The following STK3 variants were observed in gnomAD, a reference collection of about 807,000 sequenced individuals.
STK3 encodes serine/threonine-protein kinase 3.
Under a neutral mutation model 58.0 loss-of-function variants are expected in STK3, and 41 were observed. The observed-to-expected ratio is 0.71, with a 90% CI of 0.55 to 0.92. The LOEUF (loss-of-function observed/expected upper bound fraction) is 0.92. Among genes scored for constraint, STK3 ranks in the 40% least tolerant of loss-of-function variants. The pLI, the probability that STK3 is intolerant of heterozygous loss-of-function variation, is 0.00. For synonymous variants in STK3, 170 were observed against 191.0 expected (o/e 0.89, Z 0.91); for missense variants, 479 against 602.7 (o/e 0.79, Z 2.15).
At chr8:98,597,486 C>T (rs772565981) in intron 6 of STK3, 3 of 985,264 alleles carry the variant, frequency 3.0e-6, no homozygotes, top group Non-Finnish European at 3.6e-6. Flanking sequence ...AAACATCTTT[C>T]AATCAAACAA....
chr8:98,362,194 C>T, the STK3 span, among the ~76,000 whole-genome samples: 1 of 151,784 alleles, frequency 6.6e-6, no homozygotes, highest in Non-Finnish European at 1.5e-5. Context: ...TCAAGAGATC[C>T]CTTTGAGAGA....
At chr8:98,796,710 G>A (rs1462858167) in intron 1 of STK3, among the ~76,000 whole-genome samples, 1 of 152,118 alleles carries the variant, frequency 6.6e-6, no homozygotes, top group Non-Finnish European at 1.5e-5. Flanking sequence ...AAACTATGCA[G>A]CCGTCAAAGG....
Position 98,825,659 on chromosome 8 carries a change from C to A in STK3, c.-119G>T, listed in dbSNP as rs1445835240. ...CAGAGGGAAACTCTGGGAACTCGGA[C>A]CAACTTTCCCGTAACTCCGCGGCGG... On this transcript the variant is annotated 5_prime_UTR_variant, in exon 1 of 11. Coordinates refer to ENST00000419617, the MANE Select transcript of STK3 (RefSeq NM_006281.4). 1 of 1,186,648 alleles carries A rather than the reference C, an allele frequency of 8.4e-7. No homozygotes were observed. Among genetic ancestry groups the A allele is most frequent in the African/African-American group, 1.6e-5 (1 of 61,392 alleles). 73.5% of individuals were successfully genotyped at this position (1,186,648 alleles called of 1,614,324 possible). A position where few individuals can be genotyped will look rare whatever the true frequency, so the allele number is the denominator to read the frequency against.
At chr8:98,908,126 A>G (rs143357521) in intron 1 of STK3, among the ~76,000 whole-genome samples, 74 of 152,278 alleles carry the variant, frequency 4.9e-4, no homozygotes, top group African/African-American at 1.6e-3. Flanking sequence ...TTTTTGTGTT[A>G]TTATAGCCAT....
chr8:98,706,357 AAAG>A, intron 6 of STK3, 107 bp downstream of exon 6: 1 of 1,154,572 alleles, frequency 8.7e-7, no homozygotes, highest in Non-Finnish European at 1.2e-6. Context: ...CCATTTTTAA[AAAG>A]AATACATTTA....
intron 3 of STK3, among the ~76,000 whole-genome samples, chr8:98,842,100 G>C (rs971225129): frequency 6.6e-6 from 1 of 151,770 alleles, no homozygotes; most frequent in South Asian, 2.1e-4. Context: ...AAACCTATAT[G>C]AATTTTAAAA....
At chr8:98,474,614 T>A (rs553335083) in intron 10 of STK3, among the ~76,000 whole-genome samples, 19 of 152,306 alleles carry the variant, frequency 1.2e-4, no homozygotes, top group Non-Finnish European at 2.8e-4. Context: ...CTTCAAGACT[T>A]TGTTAACACA....
At chr8:98,916,989 G>A (rs1839369224) in intron 1 of STK3, among the ~76,000 whole-genome samples, 1 of 152,128 alleles carries the variant, frequency 6.6e-6, no homozygotes, top group African/African-American at 2.4e-5. Flanking sequence ...CATCTGTTCT[G>A]GGAAGAGCAT....
chr8:98,699,845 A>G (rs4735572), intron 6 of STK3, among the ~76,000 whole-genome samples: 68 of 149,660 alleles, frequency 4.5e-4, no homozygotes, highest in South Asian at 1.7e-3. Context: ...CAGTCTGCCC[A>G]TTCTCAGATC....
intron 1 of STK3, 24 bp downstream of exon 1, chr8:98,825,491 T>C (rs2131757295): frequency 6.9e-7 from 1 of 1,444,252 alleles, no homozygotes; most frequent in East Asian, 3.3e-5. Context: ...CTTCCCTCCT[T>C]CTTCCCGCTC....
intron 10 of STK3, among the ~76,000 whole-genome samples, chr8:98,495,534 A>G (rs907343295): frequency 1.3e-5 from 2 of 152,188 alleles, no homozygotes. Context: ...ATTTACTCTG[A>G]ATTAGCCAAA....
At chr8:98,803,036 T>C (rs1833661399) in intron 1 of STK3, among the ~76,000 whole-genome samples, 2 of 152,244 alleles carry the variant, frequency 1.3e-5, no homozygotes, top group Admixed American at 6.5e-5. Flanking sequence ...GTAAAGGTTT[T>C]AGAATTCCAG....
chr8:98,357,293 C>G, the STK3 span, among the ~76,000 whole-genome samples: 1 of 152,142 alleles, frequency 6.6e-6, no homozygotes, highest in East Asian at 1.9e-4. Context: ...CTGCCTGGGT[C>G]TCCAGGTAAA....
At chr8:98,567,823 C>T (rs1014501985) in intron 8 of STK3, among the ~76,000 whole-genome samples, 14 of 151,990 alleles carry the variant, frequency 9.2e-5, no homozygotes, top group African/African-American at 1.5e-4. Flanking sequence ...TTTGGGAGGC[C>T]GAGACGGGCA....
chr8:98,637,653 T>C (rs1480740598), intron 6 of STK3, among the ~76,000 whole-genome samples: 1 of 152,202 alleles, frequency 6.6e-6, no homozygotes, highest in Non-Finnish European at 1.5e-5. Context: ...TCAACTCCAA[T>C]GTCTTATTTT....
At chr8:98,482,900 G>A (rs962174651) in intron 10 of STK3, among the ~76,000 whole-genome samples, 1 of 152,062 alleles carries the variant, frequency 6.6e-6, no homozygotes, top group Admixed American at 6.5e-5. Context: ...TACTCACCTA[G>A]TAACAAATAG....
At chr8:98,721,926 AT>A (rs970298547) in intron 4 of STK3, among the ~76,000 whole-genome samples, 23 of 151,754 alleles carry the variant, frequency 1.5e-4, no homozygotes, top group African/African-American at 4.6e-4. Context: ...TCTAGATTTA[AT>A]TTTTTTTTAA....
At chr8:98,744,901 GAA>G (rs893298875) in intron 4 of STK3, among the ~76,000 whole-genome samples, 1 of 138,902 alleles carries the variant, frequency 7.2e-6, no homozygotes, top group African/African-American at 2.6e-5. Flanking sequence ...TTTCCACACA[GAA>G]AAAAAAAAAA....
intron 1 of STK3, among the ~76,000 whole-genome samples, chr8:98,935,070 A>T (rs1247382325): frequency 6.6e-6 from 1 of 151,358 alleles, no homozygotes; most frequent in Admixed American, 6.6e-5. Flanking sequence ...AACTGGGCAC[A>T]TGGCTACCCA....
Sources: allele counts gnomAD v4.1 joint callset (sites outside exome capture counted in the v4.1 genomes callset), GRCh38; gene constraint gnomAD v4.1.1; transcripts MANE v1.5; gene names NCBI Gene and HGNC (gene_info 2026-07-23, HGNC 2026-07-21).